Variants in CSGALNACT1 observed in about 807,000 individuals in gnomAD.
CSGALNACT1 encodes the protein chondroitin sulfate N-acetylgalactosaminyltransferase 1.
CSGALNACT1 carries 52 observed loss-of-function variants against 51.0 expected under a neutral mutation model. The observed-to-expected ratio is 1.02, with a 90% CI of 0.82 to 1.29. The LOEUF is 1.29. Among genes scored for constraint, CSGALNACT1 ranks in the 50% most tolerant of loss-of-function variants. The pLI is 0.00. For synonymous variants in CSGALNACT1, 341 were observed against 254.4 expected (o/e 1.34, Z -3.24); for missense variants, 935 against 679.2 (o/e 1.38, Z -4.19).
At chr8:19,609,664 G>C (rs1316518972) in intron 1 of CSGALNACT1, among the ~76,000 whole-genome samples, 7 of 151,312 alleles carry the variant, frequency 4.6e-5, no homozygotes, top group African/African-American at 1.7e-4. Flanking sequence ...GTTGGGGGGT[G>C]AGAGGGGCAA....
At chr8:19,755,990 A>C (rs1319746886) in intron 1 of CSGALNACT1, among the ~76,000 whole-genome samples, 1 of 152,146 alleles carries the variant, frequency 6.6e-6, no homozygotes, top group African/African-American at 2.4e-5. Flanking sequence ...TGTATTATGC[A>C]CTATTACAAA....
chr8:19,749,092 G>A (rs193251808), intron 1 of CSGALNACT1, among the ~76,000 whole-genome samples: 8 of 152,120 alleles, frequency 5.3e-5, no homozygotes, highest in Admixed American at 3.9e-4. Context: ...CATTCATTCC[G>A]AGATTTTTTC....
At chr8:19,419,300 C>A (rs1276578331) in intron 7 of CSGALNACT1, among the ~76,000 whole-genome samples, 1 of 152,232 alleles carries the variant, frequency 6.6e-6, no homozygotes, top group Admixed American at 6.5e-5. Context: ...AAGCACTGGG[C>A]ATCACGCCTT....
intron 3 of CSGALNACT1, among the ~76,000 whole-genome samples, chr8:19,570,209 A>C (rs940834708): frequency 1.3e-5 from 2 of 152,156 alleles, no homozygotes; most frequent in Non-Finnish European, 2.9e-5. Flanking sequence ...TACTTTATGT[A>C]AGTTATACCT....
chr8:19,638,105 C>G (rs568188028), intron 1 of CSGALNACT1, among the ~76,000 whole-genome samples: 3 of 152,148 alleles, frequency 2.0e-5, no homozygotes, highest in Non-Finnish European at 4.4e-5. Flanking sequence ...TTGAAACCAA[C>G]GACTGTCTAA....
intron 3 of CSGALNACT1, among the ~76,000 whole-genome samples, chr8:19,550,790 A>C (rs892597746): frequency 7.9e-5 from 12 of 152,194 alleles, no homozygotes; most frequent in African/African-American, 2.4e-4. Flanking sequence ...GATAAGCCCC[A>C]TTGTCAGAGT....
intron 3 of CSGALNACT1, among the ~76,000 whole-genome samples, chr8:19,536,747 A>C (rs1432626266): frequency 6.6e-6 from 1 of 152,230 alleles, no homozygotes; most frequent in African/African-American, 2.4e-5. Flanking sequence ...TCAGTCTACT[A>C]GTTTCAAGAA....
rs1378642878 is a variant in CSGALNACT1 at position 19,439,812 on chromosome 8, G to C, written c.953+18C>G. On this transcript the variant is annotated intron_variant, in intron 6 of 9. Coordinates refer to ENST00000454498, the Ensembl canonical transcript of CSGALNACT1. ...TCAGTTACCAGGATTCCTTATGACAGCTCCGTATTGTACTCACTTGGAAGT... is the reference window on the plus strand; with the variant it reads ...TCAGTTACCAGGATTCCTTATGACACCTCCGTATTGTACTCACTTGGAAGT... The C allele has an allele frequency of 6.3e-7, 1 of 1,584,202 alleles. No individual in the cohort carries two copies. Among genetic ancestry groups the C allele is most frequent in the Non-Finnish European group, 8.7e-7 (1 of 1,152,900 alleles).
intron 6 of CSGALNACT1, among the ~76,000 whole-genome samples, chr8:19,432,575 G>T (rs1232287651): frequency 6.6e-6 from 1 of 151,978 alleles, no homozygotes; most frequent in Non-Finnish European, 1.5e-5. Flanking sequence ...ATGCTTGATG[G>T]TATCCCATGA....
At chr8:19,560,552 A>G (rs1305979967) in intron 3 of CSGALNACT1, among the ~76,000 whole-genome samples, 1 of 152,208 alleles carries the variant, frequency 6.6e-6, no homozygotes, top group Non-Finnish European at 1.5e-5. Context: ...TAGATACACA[A>G]CACGATGGAA....
intron 2 of CSGALNACT1, among the ~76,000 whole-genome samples, chr8:19,600,512 A>G (rs527506683): frequency 6.6e-6 from 1 of 152,226 alleles, no homozygotes; most frequent in Non-Finnish European, 1.5e-5. Context: ...CAAAAACATT[A>G]AACATCACAA....
intron 4 of CSGALNACT1, among the ~76,000 whole-genome samples, chr8:19,500,219 C>A (rs1161143901): frequency 1.3e-5 from 2 of 152,128 alleles, no homozygotes; most frequent in Non-Finnish European, 2.9e-5. Flanking sequence ...GACCCCGGTT[C>A]TGCCACCCTT....
At chr8:19,513,175 C>T (rs2078772751) in intron 3 of CSGALNACT1, among the ~76,000 whole-genome samples, 3 of 152,044 alleles carry the variant, frequency 2.0e-5, no homozygotes, top group Admixed American at 6.6e-5. Flanking sequence ...CTCAAGGCTC[C>T]ATCATCTCCT....
intron 1 of CSGALNACT1, among the ~76,000 whole-genome samples, chr8:19,658,297 C>G (rs763816036): frequency 6.6e-6 from 1 of 152,106 alleles, no homozygotes; most frequent in Non-Finnish European, 1.5e-5. Flanking sequence ...TTGGACTTCC[C>G]AACCCCCAAA....
chr8:19,594,230 A>C (rs2048419660), intron 2 of CSGALNACT1, among the ~76,000 whole-genome samples: 1 of 152,192 alleles, frequency 6.6e-6, no homozygotes, highest in African/African-American at 2.4e-5. Context: ...GATTATGAAG[A>C]AACAGCTAGA....
chr8:19,548,011 G>A (rs2086899456), intron 3 of CSGALNACT1, among the ~76,000 whole-genome samples: 1 of 152,186 alleles, frequency 6.6e-6, no homozygotes, highest in South Asian at 2.1e-4. Context: ...TCATACGAGT[G>A]ATGTAACATC....
At chr8:19,678,927 G>C (rs1193999549) in intron 1 of CSGALNACT1, 2 of 152,090 alleles carry the variant, frequency 1.3e-5, no homozygotes, top group African/African-American at 4.8e-5. Context: ...ACTCACTAAC[G>C]GCCATCCCAT....
intron 1 of CSGALNACT1, among the ~76,000 whole-genome samples, chr8:19,748,047 A>G (rs2064790793): frequency 7.4e-6 from 1 of 134,380 alleles, no homozygotes; most frequent in South Asian, 2.3e-4. Context: ...GTAGCCATAA[A>G]CGTACTCAAA....
chr8:19,571,548 C>T (rs113643056), intron 3 of CSGALNACT1, among the ~76,000 whole-genome samples: 32 of 123,752 alleles, frequency 2.6e-4, no homozygotes, highest in African/African-American at 7.9e-4. Flanking sequence ...ATGGCTAATA[C>T]GGCATTTATA....
Sources: allele counts gnomAD v4.1 joint callset (sites outside exome capture counted in the v4.1 genomes callset), GRCh38; gene constraint gnomAD v4.1.1; transcripts MANE v1.5; gene names NCBI Gene and HGNC (gene_info 2026-07-23, HGNC 2026-07-21).